Variants in UBXN7 observed in about 807,000 individuals in gnomAD.
UBXN7 encodes the protein UBX domain-containing protein 7.
In UBXN7, 9 loss-of-function variants were observed where a neutral mutation model predicts 58.0. The observed-to-expected ratio is 0.16, with a 90% CI of 0.09 to 0.27. The LOEUF (loss-of-function observed/expected upper bound fraction) is 0.27. Ranked by LOEUF, UBXN7 falls within the 10% of genes least tolerant of loss-of-function variation. The pLI, the probability that UBXN7 is intolerant of heterozygous loss-of-function variation, is 1.00. For synonymous variants in UBXN7, 208 were observed against 205.0 expected (o/e 1.01, Z -0.12); for missense variants, 328 against 599.6 (o/e 0.55, Z 4.73).
chr3:196,380,363 T>A (rs1038352095), intron 5 of UBXN7, among the ~76,000 whole-genome samples: 2 of 151,862 alleles, frequency 1.3e-5, no homozygotes, highest in Non-Finnish European at 2.9e-5. Flanking sequence ...GCAACTTGAA[T>A]CATGCAGACA....
At chr3:196,387,484 C>G (rs550040559) in intron 5 of UBXN7, among the ~76,000 whole-genome samples, 90 of 152,196 alleles carry the variant, frequency 5.9e-4, no homozygotes, top group African/African-American at 2.1e-3. Context: ...AAGAAACTAC[C>G]ATTAGAGTGA....
At chr3:196,375,002 GGGAGGAAGGAA>G (rs1172171384) in intron 5 of UBXN7, among the ~76,000 whole-genome samples, 3 of 98,530 alleles carry the variant, frequency 3.0e-5, no homozygotes, top group Admixed American at 9.0e-5. Flanking sequence ...GAGGGAGGGA[GGGAGGAAGGAA>G]GGAAGGAAGG....
chr3:196,385,128 G>C lies in UBXN7; in HGVS notation c.468+6685C>G, dbSNP rs561112045. On this transcript the variant is annotated intron_variant, in intron 5 of 10. Coordinates refer to ENST00000296328, the MANE Select transcript of UBXN7 (RefSeq NM_015562.2). ...CCTGATTCTCCTGCCTCAGCCTGCCGAGTGCCTGGGATTGCAGGCGCGCGC... is the reference window on the plus strand; with the variant it reads ...CCTGATTCTCCTGCCTCAGCCTGCCCAGTGCCTGGGATTGCAGGCGCGCGC... 2.9e-4 allele frequency among the ~76,000 whole-genome samples: 44 copies of C among 152,264 alleles called. No individual in the cohort carries two copies. The East Asian group carries it at 7.7e-3, about 27-fold the overall frequency.
At chr3:196,417,529 G>A (rs1247181157) in intron 1 of UBXN7, among the ~76,000 whole-genome samples, 1 of 151,740 alleles carries the variant, frequency 6.6e-6, no homozygotes, top group Admixed American at 6.6e-5. Context: ...GTGACTCTGA[G>A]TAAGATACTA....
chr3:196,431,895 CG>C, intron 1 of UBXN7: 1 of 355,230 alleles, frequency 2.8e-6, no homozygotes, highest in Non-Finnish European at 5.6e-6. Context: ...ATGACCTGGC[CG>C]GGGAAGAAAG....
chr3:196,351,409 C>A lies in UBXN7; in HGVS notation c.*5276G>T, dbSNP rs894044772. ...TTACTAGACCTATAACTACTATACTCTCCTCTTTGGAGATTTCAGTCATCG... is the reference window on the plus strand; with the variant it reads ...TTACTAGACCTATAACTACTATACTATCCTCTTTGGAGATTTCAGTCATCG... On this transcript the variant is annotated 3_prime_UTR_variant, in exon 11 of 11. Transcript: ENST00000296328. 1 of 152,080 alleles carries A rather than the reference C, an allele frequency of 6.6e-6. No homozygotes were observed. The highest frequency in any genetic ancestry group is 2.4e-5 in the African/African-American group (1 of 41,396). 9.4% of individuals were successfully genotyped at this position (152,080 alleles called of 1,614,324 possible). A position where few individuals can be genotyped will look rare whatever the true frequency, so the allele number is the denominator to read the frequency against.
Position 196,362,457 on chromosome 3 carries a change from C to G in UBXN7, c.1065G>C (p.Leu355Phe). The G allele has an allele frequency of 6.2e-7, 1 of 1,614,096 alleles. No individual in the cohort carries two copies. Among genetic ancestry groups the G allele is most frequent in the Non-Finnish European group, 8.5e-7 (1 of 1,180,022 alleles). Residue 355 changes from leucine to phenylalanine, a missense_variant, in exon 9 of 11, where the codon TTG becomes TTC. Coordinates refer to ENST00000296328, the MANE Select transcript of UBXN7 (RefSeq NM_015562.2). ...TTCTATTCTCCTCTTTTCTATGCCCCAAATCTTTGTGGGGAGACTTTCTGG... is the reference window on the plus strand; with the variant it reads ...TTCTATTCTCCTCTTTTCTATGCCCGAAATCTTTGTGGGGAGACTTTCTGG... ...AKSRKSPHKD[L>F]GHRKEENRRP...
chr3:196,424,711 T>G (rs1730794114), intron 1 of UBXN7, among the ~76,000 whole-genome samples: 1 of 148,274 alleles, frequency 6.7e-6, no homozygotes, highest in East Asian at 2.0e-4. Context: ...ACCTTTTTTT[T>G]TTTTTTTTTT....
At chr3:196,389,731 A>G (rs1729519080) in intron 5 of UBXN7, among the ~76,000 whole-genome samples, 1 of 152,206 alleles carries the variant, frequency 6.6e-6, no homozygotes, top group South Asian at 2.1e-4. Flanking sequence ...TTGAGTCAAA[A>G]TATACCTTTT....
At chr3:196,367,245 C>A (rs1728696514) in intron 8 of UBXN7, among the ~76,000 whole-genome samples, 1 of 151,790 alleles carries the variant, frequency 6.6e-6, no homozygotes, top group Admixed American at 6.6e-5. Context: ...GCTATCAAAG[C>A]CAAACAGCCA....
chr3:196,417,380 G>A (rs1199077759), intron 1 of UBXN7, among the ~76,000 whole-genome samples: 1 of 152,050 alleles, frequency 6.6e-6, no homozygotes, highest in African/African-American at 2.4e-5. Context: ...CCTGTCTTAT[G>A]CCCAGTAACA....
At chr3:196,366,849 A>C (rs986345192) in intron 8 of UBXN7, among the ~76,000 whole-genome samples, 1 of 152,154 alleles carries the variant, frequency 6.6e-6, no homozygotes, top group African/African-American at 2.4e-5. Flanking sequence ...TGATCACACC[A>C]CTGCACTGCA....
At chr3:196,415,567 A>G (rs1359867594) in intron 1 of UBXN7, among the ~76,000 whole-genome samples, 2 of 148,400 alleles carry the variant, frequency 1.3e-5, no homozygotes, top group Admixed American at 6.7e-5. Flanking sequence ...CGAGGTCAGG[A>G]GCTCAAGACC....
At chr3:196,356,998 G>T in intron 10 of UBXN7, 152 bp from the exon 11 acceptor site, 2 of 1,032,388 alleles carry the variant, frequency 1.9e-6, no homozygotes, top group Non-Finnish European at 2.7e-6. Context: ...TGCCCTTGGG[G>T]AAGGGCCAAT....
chr3:196,395,820 C>T (rs1434904447), intron 3 of UBXN7, among the ~76,000 whole-genome samples: 2 of 152,028 alleles, frequency 1.3e-5, no homozygotes, highest in African/African-American at 4.8e-5. Context: ...GGCTGGAGTG[C>T]AGTGGCATGA....
intron 5 of UBXN7, among the ~76,000 whole-genome samples, chr3:196,382,522 C>T (rs1027871263): frequency 3.3e-5 from 5 of 152,298 alleles, no homozygotes; most frequent in African/African-American, 1.2e-4. Flanking sequence ...CGGTGCCAGC[C>T]ACTGCAAAAA....
chr3:196,430,392 CT>C (rs1026945327), intron 1 of UBXN7, among the ~76,000 whole-genome samples: 5 of 150,608 alleles, frequency 3.3e-5, no homozygotes, highest in South Asian at 2.1e-4. Context: ...TAATAAGTGG[CT>C]TTTTTTTTCT....
intron 3 of UBXN7, among the ~76,000 whole-genome samples, chr3:196,402,410 T>G (rs1730023209): frequency 6.6e-6 from 1 of 152,222 alleles, no homozygotes; most frequent in Non-Finnish European, 1.5e-5. Context: ...CATCTTGTAT[T>G]TTTTTCTATA....
intron 3 of UBXN7, chr3:196,399,773 T>C (rs1245578374): frequency 2.6e-5 from 4 of 152,052 alleles, no homozygotes; most frequent in Admixed American, 2.0e-4. Context: ...AAACTTCAAA[T>C]ATGCAGCAGT....
Sources: gnomAD v4.1 joint callset for allele counts (sites outside exome capture counted in the v4.1 genomes callset) on GRCh38, gnomAD v4.1.1 for gene constraint, MANE v1.5 for transcripts, NCBI Gene and HGNC (gene_info 2026-07-23, HGNC 2026-07-21) for gene names.